The following HS2ST1 variants were observed in gnomAD, a reference collection of about 807,000 sequenced individuals.
HS2ST1 encodes 2-O-sulfotransferase.
HS2ST1 carries 18 observed loss-of-function variants against 42.9 expected under a neutral mutation model. The observed-to-expected ratio is 0.42, with a 90% CI of 0.29 to 0.62. The LOEUF is 0.62. HS2ST1 is among the 20% of genes least tolerant of loss of function. The pLI is 0.21. For synonymous variants in HS2ST1, 146 were observed against 152.9 expected (o/e 0.95, Z 0.33); for missense variants, 334 against 433.8 (o/e 0.77, Z 2.04).
At chr1:86,986,293 A>G (rs983105501) in intron 1 of HS2ST1, among the ~76,000 whole-genome samples, 11 of 152,206 alleles carry the variant, frequency 7.2e-5, no homozygotes, top group Middle Eastern at 6.8e-3. Flanking sequence ...GTTTTGTTAC[A>G]GTTTTCTTAG....
intron 2 of HS2ST1, among the ~76,000 whole-genome samples, chr1:87,082,375 G>A (rs556087155): frequency 1.4e-4 from 22 of 152,302 alleles, no homozygotes; most frequent in African/African-American, 5.3e-4. Context: ...CTCCAAGCTT[G>A]TACTATATGA....
At chr1:87,064,172 C>G (rs1006181245) in intron 1 of HS2ST1, among the ~76,000 whole-genome samples, 52 of 152,186 alleles carry the variant, frequency 3.4e-4, no homozygotes, top group Non-Finnish European at 3.2e-4. Context: ...TATGCTGTTC[C>G]TTTCCTGGTC....
intron 1 of HS2ST1, among the ~76,000 whole-genome samples, chr1:86,960,103 C>T (rs907084161): frequency 3.3e-5 from 5 of 151,744 alleles, no homozygotes; most frequent in Non-Finnish European, 7.4e-5. Context: ...AGCAAAATAG[C>T]GCATAGGTAG....
chr1:87,078,652 CCTT>C (rs1651607211), intron 2 of HS2ST1, among the ~76,000 whole-genome samples: 1 of 152,172 alleles, frequency 6.6e-6, no homozygotes, highest in African/African-American at 2.4e-5. Flanking sequence ...AAGTTTTGCT[CCTT>C]TTTTGGCCTA....
At chr1:86,961,855 A>T (rs1647852967) in intron 1 of HS2ST1, among the ~76,000 whole-genome samples, 1 of 152,128 alleles carries the variant, frequency 6.6e-6, no homozygotes, top group Admixed American at 6.6e-5. Flanking sequence ...ATAAAAAGGA[A>T]TCATACAATT....
Position 86,960,529 on chromosome 1 carries a change from A to G in HS2ST1, c.124+45369A>G, listed in dbSNP as rs527598567. Among the ~76,000 whole-genome samples, 291 of 152,326 alleles carry G rather than the reference A, an allele frequency of 1.9e-3. 1 individual carries two copies. Among genetic ancestry groups the G allele is most frequent in the African/African-American group, 6.6e-3 (276 of 41,586 alleles). ...ACAGACTGGGAGAAAATCTTTGGAAAATACATACCTGAAAAAGAACTGGCA... is the reference window on the plus strand; with the variant it reads ...ACAGACTGGGAGAAAATCTTTGGAAGATACATACCTGAAAAAGAACTGGCA... On this transcript the variant is annotated intron_variant, in intron 1 of 6. Transcript: ENST00000370550.
rs1262671751 is a variant in HS2ST1 at position 87,005,807 on chromosome 1, A to G, written c.125-67127A>G. ...TTGGTGTACTTTGAAGGATTCGCCTATGATAAAATAACTTTTTAGAATTTT... is the reference window on the plus strand; with the variant it reads ...TTGGTGTACTTTGAAGGATTCGCCTGTGATAAAATAACTTTTTAGAATTTT... On this transcript the variant is annotated intron_variant, in intron 1 of 6. Transcript: ENST00000370550. Among the ~76,000 whole-genome samples the G allele has an allele frequency of 4.6e-5, 7 of 152,174 alleles. No individual in the cohort carries two copies. The East Asian group carries it at 1.2e-3, about 25-fold the overall frequency.
intron 1 of HS2ST1, among the ~76,000 whole-genome samples, chr1:86,938,438 C>T (rs1557486293): frequency 6.6e-6 from 1 of 152,064 alleles, no homozygotes. Flanking sequence ...AATAATTCCT[C>T]CTGCCCATTT....
At chr1:87,031,464 G>T (rs1174082432) in intron 1 of HS2ST1, among the ~76,000 whole-genome samples, 1 of 152,142 alleles carries the variant, frequency 6.6e-6, no homozygotes, top group Non-Finnish European at 1.5e-5. Flanking sequence ...GTGGTCCACG[G>T]ACTGGCTGCC....
intron 1 of HS2ST1, among the ~76,000 whole-genome samples, chr1:87,031,621 T>C (rs1470888926): frequency 6.6e-6 from 1 of 152,234 alleles, no homozygotes; most frequent in Non-Finnish European, 1.5e-5. Context: ...AAATAGTAAA[T>C]TTAATTTACA....
intron 1 of HS2ST1, among the ~76,000 whole-genome samples, chr1:86,962,751 C>A (rs1305578589): frequency 6.6e-6 from 1 of 151,916 alleles, no homozygotes; most frequent in East Asian, 1.9e-4. Context: ...CTAGTCTGTA[C>A]AATAAGATTT....
intron 4 of HS2ST1, among the ~76,000 whole-genome samples, chr1:87,096,912 C>A (rs1036035916): frequency 6.6e-6 from 1 of 152,102 alleles, no homozygotes; most frequent in Non-Finnish European, 1.5e-5. Context: ...TTTCTTATTT[C>A]TTCTTATGAG....
chr1:87,039,595 T>C (rs2100603237), intron 1 of HS2ST1, among the ~76,000 whole-genome samples: 1 of 152,354 alleles, frequency 6.6e-6, no homozygotes, highest in East Asian at 1.9e-4. Context: ...TTATCTGTCA[T>C]TAAATATCCA....
At chr1:86,984,807 A>G (rs1342137748) in intron 1 of HS2ST1, among the ~76,000 whole-genome samples, 2 of 150,854 alleles carry the variant, frequency 1.3e-5, no homozygotes, top group Admixed American at 1.3e-4. Context: ...CCCAGGTACT[A>G]GGGAGGCTGA....
At chr1:86,929,974 A>C (rs996620217) in intron 1 of HS2ST1, among the ~76,000 whole-genome samples, 3 of 151,852 alleles carry the variant, frequency 2.0e-5, no homozygotes, top group African/African-American at 7.2e-5. Flanking sequence ...AAATTCTTGA[A>C]TCTTACACAG....
intron 1 of HS2ST1, among the ~76,000 whole-genome samples, chr1:87,071,568 A>C (rs1184073771): frequency 6.6e-6 from 1 of 152,044 alleles, no homozygotes; most frequent in East Asian, 1.9e-4. Context: ...GTCTCTACTA[A>C]AAATACAAAA....
chr1:86,932,858 G>A (rs542608765), intron 1 of HS2ST1, among the ~76,000 whole-genome samples: 2 of 151,948 alleles, frequency 1.3e-5, no homozygotes, highest in South Asian at 4.1e-4. Flanking sequence ...AAATAATGGG[G>A]CAAAAAAATA....
rs199828266 is a variant in HS2ST1 at position 86,956,109 on chromosome 1, CAT to C, written c.124+40950_124+40951del. 4.2e-3 allele frequency among the ~76,000 whole-genome samples: 647 copies of C among 152,248 alleles called. 8 individuals are homozygous for C. The highest frequency in any genetic ancestry group is 0.024 in the Middle Eastern group (7 of 294). ...ATATACATAAGTGAATATATGCACA[CAT>C]GTGTAATTTCTTTGAACATATTTGT... On this transcript the variant is annotated intron_variant, in intron 1 of 6. Transcript: ENST00000370550.
intron 1 of HS2ST1, among the ~76,000 whole-genome samples, chr1:86,945,883 G>A (rs1045447205): frequency 1.3e-5 from 2 of 152,130 alleles, no homozygotes; most frequent in Non-Finnish European, 2.9e-5. Flanking sequence ...ACCCTGGGCA[G>A]CATGGCAAAA....
Sources: allele counts gnomAD v4.1 joint callset (sites outside exome capture counted in the v4.1 genomes callset), GRCh38; gene constraint gnomAD v4.1.1; transcripts MANE v1.5; gene names NCBI Gene and HGNC (gene_info 2026-07-23, HGNC 2026-07-21).